The following TRIM24 variants were observed in gnomAD, a reference collection of about 807,000 sequenced individuals.
TRIM24 encodes the protein tripartite motif containing 24, also known as transcription intermediary factor 1-alpha.
TRIM24 carries 29 observed loss-of-function variants against 123.9 expected under a neutral mutation model. That is an observed-to-expected ratio of 0.23 (90% CI 0.17 to 0.32). The LOEUF is 0.32. Among genes scored for constraint, TRIM24 ranks in the 10% least tolerant of loss-of-function variants. The pLI, the probability that TRIM24 is intolerant of heterozygous loss-of-function variation, is 1.00. For synonymous variants in TRIM24, 456 were observed against 461.1 expected, an observed-to-expected ratio of 0.99 and a Z score of 0.14; for missense variants, 932 against 1,295.3, an observed-to-expected ratio of 0.72 and a Z score of 4.31.
intron 3 of TRIM24, among the ~76,000 whole-genome samples, chr7:138,516,810 TTTG>T (rs1425168980): frequency 7.5e-6 from 1 of 132,714 alleles, no homozygotes; most frequent in African/African-American, 2.8e-5. Flanking sequence ...GCAAAACCGT[TTTG>T]TTTTTTTTTT....
At chr7:138,569,589 G>A (rs374609466) in intron 10 of TRIM24, among the ~76,000 whole-genome samples, 2 of 152,168 alleles carry the variant, frequency 1.3e-5, no homozygotes, top group African/African-American at 4.8e-5. Context: ...CCAACTGATT[G>A]TTCTTGGTAG....
Position 138,466,463 on chromosome 7 carries a change from C to CTTTTTTTTTTTTTTTTT in TRIM24, c.364+5553_364+5569dup, listed in dbSNP as rs577317171. 1.2e-4 allele frequency among the ~76,000 whole-genome samples: 9 copies of CTTTTTTTTTTTTTTTTT among 74,064 alleles called. 1 individual carries two copies. The highest frequency in any genetic ancestry group is 3.7e-4 in the East Asian group (1 of 2,724). The allele number at this position is 74,064 out of a possible 152,430, so 48.6% of individuals were successfully genotyped here. ...TTTGCAAATTTCAAAACTTAAGTTG[C>CTTTTTTTTTTTTTTTTT]TTTTTTTTTTTTTTTTTTGGAGACA... On this transcript the variant is annotated intron_variant, in intron 1 of 18. Transcript: ENST00000343526.
At chr7:138,530,606 A>G (rs748663572) in intron 6 of TRIM24, among the ~76,000 whole-genome samples, 1 of 151,582 alleles carries the variant, frequency 6.6e-6, no homozygotes, top group African/African-American at 2.4e-5. Flanking sequence ...AATTAGGACT[A>G]CAAGTGTATG....
At chr7:138,569,616 G>C (rs1008107041) in intron 10 of TRIM24, among the ~76,000 whole-genome samples, 6 of 152,184 alleles carry the variant, frequency 3.9e-5, no homozygotes, top group Non-Finnish European at 8.8e-5. Context: ...AGGAAAGGGG[G>C]CATAGAGGTG....
intron 1 of TRIM24, among the ~76,000 whole-genome samples, chr7:138,501,510 T>C (rs1294696471): frequency 1.3e-5 from 2 of 152,056 alleles, no homozygotes; most frequent in East Asian, 3.9e-4. Context: ...GGATTACAGG[T>C]GTGAGCCACC....
At chr7:138,570,629 C>G (rs1452834548) in intron 10 of TRIM24, among the ~76,000 whole-genome samples, 1 of 142,848 alleles carries the variant, frequency 7.0e-6, no homozygotes, top group South Asian at 2.2e-4. Context: ...AAAATCAGTG[C>G]TTTTTACTGT....
chr7:138,518,450 C>T (rs984092394), intron 3 of TRIM24, among the ~76,000 whole-genome samples: 4 of 152,030 alleles, frequency 2.6e-5, no homozygotes, highest in Non-Finnish European at 4.4e-5. Flanking sequence ...CATATTTATT[C>T]ATATTCTGAT....
rs1278276071 is a variant in TRIM24, at chr7:138,503,241, A to T, written c.365-1049A>T. 7.2e-5 allele frequency among the ~76,000 whole-genome samples: 11 copies of T among 152,120 alleles called. 1 individual carries two copies. The highest frequency in any genetic ancestry group is 7.2e-4 in the Admixed American group (11 of 15,262). On this transcript the variant is annotated intron_variant, in intron 1 of 18. Transcript: ENST00000343526. The stretch of plus-strand genomic sequence containing the variant: ...TGTCCCCTCAGCTTGTGAAAATTCT[A>T]TGGAAATTTCTGTTGGGATTGTTAA...
intron 4 of TRIM24, among the ~76,000 whole-genome samples, chr7:138,524,927 TA>T: frequency 6.6e-6 from 1 of 152,228 alleles, no homozygotes; most frequent in East Asian, 1.9e-4. Flanking sequence ...AAATAGTTAA[TA>T]AATCTGATTA....
At chr7:138,499,735 T>C (rs1392023182) in intron 1 of TRIM24, among the ~76,000 whole-genome samples, 1 of 152,120 alleles carries the variant, frequency 6.6e-6, no homozygotes, top group Non-Finnish European at 1.5e-5. Context: ...GGAACTGGCT[T>C]GATTCAAGGC....
intron 1 of TRIM24, among the ~76,000 whole-genome samples, chr7:138,473,954 A>G: frequency 6.6e-6 from 1 of 151,628 alleles, no homozygotes; most frequent in East Asian, 2.0e-4. Flanking sequence ...TTTTTATTGT[A>G]GAGACGGGAT....
intron 6 of TRIM24, among the ~76,000 whole-genome samples, chr7:138,530,769 C>A (rs926359425): frequency 6.6e-6 from 1 of 151,958 alleles, no homozygotes; most frequent in Non-Finnish European, 1.5e-5. Context: ...ACCTTGCCCC[C>A]CCTTTGTTTT....
chr7:138,518,246 A>T (rs1241369796), intron 3 of TRIM24, among the ~76,000 whole-genome samples: 3 of 152,180 alleles, frequency 2.0e-5, no homozygotes, highest in Non-Finnish European at 4.4e-5. Flanking sequence ...AAAAGACAAT[A>T]TATGTACTAC....
intron 7 of TRIM24, among the ~76,000 whole-genome samples, chr7:138,544,316 C>G (rs1316115391): frequency 1.3e-5 from 2 of 152,212 alleles, no homozygotes; most frequent in Non-Finnish European, 2.9e-5. Flanking sequence ...ATAGTGTCCT[C>G]AAGGTTCATC....
chr7:138,512,542 G>A (rs567483671), intron 2 of TRIM24, among the ~76,000 whole-genome samples: 6 of 152,244 alleles, frequency 3.9e-5, no homozygotes, highest in South Asian at 4.1e-4. Context: ...GTATCTGCAG[G>A]TTTAACAGCA....
At chr7:138,477,590 C>T (rs932765994) in intron 1 of TRIM24, among the ~76,000 whole-genome samples, 3 of 152,148 alleles carry the variant, frequency 2.0e-5, no homozygotes, top group Non-Finnish European at 4.4e-5. Flanking sequence ...ATTTTTAAAT[C>T]ACAATATTGA....
At chr7:138,488,311 G>C (rs1288686528) in intron 1 of TRIM24, among the ~76,000 whole-genome samples, 1 of 150,034 alleles carries the variant, frequency 6.7e-6, no homozygotes, top group African/African-American at 2.4e-5. Flanking sequence ...CTGAATTCAT[G>C]AATTTTTTGA....
At chr7:138,563,666 G>A (rs767265682) in intron 9 of TRIM24, among the ~76,000 whole-genome samples, 26 of 152,276 alleles carry the variant, frequency 1.7e-4, no homozygotes, top group Non-Finnish European at 3.1e-4. Context: ...TGCAAATGCC[G>A]TGTTCACTGT....
At chr7:138,487,148 T>C (rs1269666279) in intron 1 of TRIM24, among the ~76,000 whole-genome samples, 1 of 152,202 alleles carries the variant, frequency 6.6e-6, no homozygotes, top group African/African-American at 2.4e-5. Flanking sequence ...TTGTCTGTTA[T>C]TGGCGTATAA....
Sources: allele counts gnomAD v4.1 joint callset (sites outside exome capture counted in the v4.1 genomes callset), GRCh38; gene constraint gnomAD v4.1.1; transcripts MANE v1.5; gene names NCBI Gene and HGNC (gene_info 2026-07-23, HGNC 2026-07-21).